CTNNA2: variants seen among roughly 807,000 people sequenced by gnomAD.
CTNNA2 encodes the protein catenin alpha-2.
Under a neutral mutation model 101.0 loss-of-function variants are expected in CTNNA2, and 42 were observed. That is an observed-to-expected ratio of 0.42 (90% CI 0.32 to 0.54). CTNNA2 has a LOEUF of 0.54. CTNNA2 is among the 20% of genes least tolerant of loss of function. CTNNA2 has a pLI of 0.14. For synonymous variants in CTNNA2, 450 were observed against 456.4 expected (o/e 0.99, Z 0.18); for missense variants, 871 against 1,223.1 (o/e 0.71, Z 4.29).
At chr2:80,013,411 C>A (rs1223765682) in intron 7 of CTNNA2, among the ~76,000 whole-genome samples, 1 of 152,150 alleles carries the variant, frequency 6.6e-6, no homozygotes, top group Non-Finnish European at 1.5e-5. Context: ...CTGCAGCTAT[C>A]TTTTAAGTGA....
chr2:79,776,613 G>C (rs865981045), intron 3 of CTNNA2, among the ~76,000 whole-genome samples: 2 of 152,278 alleles, frequency 1.3e-5, no homozygotes, highest in South Asian at 2.1e-4. Flanking sequence ...TCATAAAGTA[G>C]TTCTAAACTT....
At chr2:79,855,962 C>CT (rs768247986) in intron 3 of CTNNA2, among the ~76,000 whole-genome samples, 7 of 152,104 alleles carry the variant, frequency 4.6e-5, no homozygotes, top group Non-Finnish European at 7.4e-5. Flanking sequence ...TTGCCAATGA[C>CT]TTTTTTTATT....
chr2:80,086,138 T>G (rs1280462640), intron 7 of CTNNA2, among the ~76,000 whole-genome samples: 1 of 152,048 alleles, frequency 6.6e-6, no homozygotes, highest in African/African-American at 2.4e-5. Flanking sequence ...CTTTCTTGAT[T>G]AATGAATTTG....
intron 7 of CTNNA2, among the ~76,000 whole-genome samples, chr2:79,953,037 A>G (rs1467118937): frequency 6.6e-6 from 1 of 152,216 alleles, no homozygotes; most frequent in Non-Finnish European, 1.5e-5. Context: ...ACATCCTATG[A>G]ATGAAGATAA....
At chr2:80,251,709 A>T (rs1229405518) in intron 7 of CTNNA2, among the ~76,000 whole-genome samples, 1 of 152,192 alleles carries the variant, frequency 6.6e-6, no homozygotes, top group Non-Finnish European at 1.5e-5. Flanking sequence ...TAGAAACAAA[A>T]ATAGGAAAAA....
At chr2:80,089,184 G>A (rs1467790977) in intron 7 of CTNNA2, among the ~76,000 whole-genome samples, 1 of 151,974 alleles carries the variant, frequency 6.6e-6, no homozygotes, top group Non-Finnish European at 1.5e-5. Flanking sequence ...GGGGCTTCCT[G>A]TAAATTCTGG....
chr2:79,577,293 T>C (rs1675859723), intron 1 of CTNNA2, among the ~76,000 whole-genome samples: 2 of 152,126 alleles, frequency 1.3e-5, no homozygotes, highest in African/African-American at 4.8e-5. Context: ...TATTTATTTT[T>C]CCAGATAAGC....
chr2:80,351,631 C>G (rs191150103), intron 7 of CTNNA2, among the ~76,000 whole-genome samples: 1 of 152,224 alleles, frequency 6.6e-6, no homozygotes, highest in East Asian at 1.9e-4. Context: ...TTTGCTTTAA[C>G]ATGCATGGGG....
At chr2:79,464,255 TA>T (rs1670909178) in intron 4 of CTNNA2, among the ~76,000 whole-genome samples, 4 of 152,260 alleles carry the variant, frequency 2.6e-5, no homozygotes, top group Middle Eastern at 3.4e-3. Flanking sequence ...GTCCTTGTGG[TA>T]GTTTGCTCAG....
intron 7 of CTNNA2, among the ~76,000 whole-genome samples, chr2:80,027,816 A>G (rs1263185985): frequency 6.6e-6 from 1 of 151,824 alleles, no homozygotes; most frequent in Admixed American, 6.6e-5. Context: ...AAAAAATAAA[A>G]TTAAAAATTA....
intron 7 of CTNNA2, among the ~76,000 whole-genome samples, chr2:80,076,565 G>A (rs1335245415): frequency 2.6e-5 from 4 of 151,646 alleles, no homozygotes; most frequent in African/African-American, 4.8e-5. Context: ...TTACAGGCAT[G>A]AGCCACTGCA....
intron 2 of CTNNA2, among the ~76,000 whole-genome samples, chr2:79,202,285 T>C (rs998191986): frequency 1.3e-5 from 2 of 152,310 alleles, no homozygotes; most frequent in Middle Eastern, 3.4e-3. Context: ...CCTTTCACAG[T>C]ACTCTCAGTC....
intron 1 of CTNNA2, among the ~76,000 whole-genome samples, chr2:79,564,350 CTG>C (rs72448200): frequency 0.03 from 4,515 of 151,686 alleles, 88 homozygotes; most frequent in African/African-American, 0.045. Flanking sequence ...GGTCCTAACT[CTG>C]TGCTATTTAA....
chr2:80,120,818 G>A (rs991935294), intron 7 of CTNNA2, among the ~76,000 whole-genome samples: 1 of 152,148 alleles, frequency 6.6e-6, no homozygotes, highest in African/African-American at 2.4e-5. Flanking sequence ...CAGTTGGTTG[G>A]TGGGATGGTT....
intron 4 of CTNNA2, among the ~76,000 whole-genome samples, chr2:79,412,186 A>T (rs1053013534): frequency 6.6e-6 from 1 of 152,194 alleles, no homozygotes; most frequent in African/African-American, 2.4e-5. Flanking sequence ...ATTCAACAAG[A>T]AGAGCTAACT....
chr2:79,319,700 A>AT (rs1247055076), intron 3 of CTNNA2: 1 of 152,060 alleles, frequency 6.6e-6, no homozygotes, highest in Admixed American at 6.6e-5. Flanking sequence ...CTATCCTCCC[A>AT]TTTTTTCCCA....
At chr2:80,353,407 A>G (rs778929733) in intron 7 of CTNNA2, among the ~76,000 whole-genome samples, 9 of 152,170 alleles carry the variant, frequency 5.9e-5, no homozygotes, top group African/African-American at 1.9e-4. Context: ...AATATCGGAC[A>G]TACCATACAG....
chr2:79,461,481 T>C (rs1670878466), intron 4 of CTNNA2, among the ~76,000 whole-genome samples: 1 of 152,050 alleles, frequency 6.6e-6, no homozygotes, highest in Non-Finnish European at 1.5e-5. Context: ...TTTCATAGAG[T>C]TTACATTGAC....
chr2:79,339,421 A>G (rs1410190557), intron 3 of CTNNA2, among the ~76,000 whole-genome samples: 1 of 152,220 alleles, frequency 6.6e-6, no homozygotes, highest in African/African-American at 2.4e-5. Context: ...TGCCTGATAT[A>G]CATATTAAGG....
Sources: allele counts gnomAD v4.1 joint callset (sites outside exome capture counted in the v4.1 genomes callset), GRCh38; gene constraint gnomAD v4.1.1; transcripts MANE v1.5; gene names NCBI Gene and HGNC (gene_info 2026-07-23, HGNC 2026-07-21).